PCED1B: variants seen among roughly 807,000 people sequenced by gnomAD.
The protein encoded by PCED1B is PC-esterase domain containing 1B, also known as PC-esterase domain-containing protein 1B.
For synonymous variants in PCED1B, 251 were observed against 246.1 expected (o/e 1.02, Z -0.19); for missense variants, 573 against 573.9 (o/e 1.00, Z 0.02).
intron 3 of PCED1B, among the ~76,000 whole-genome samples, chr12:47,225,251 G>A (rs1343010150): frequency 1.3e-5 from 2 of 152,048 alleles, no homozygotes; most frequent in African/African-American, 4.8e-5. Context: ...TTTTTCTATT[G>A]CATTATTTAC....
intron 1 of PCED1B, among the ~76,000 whole-genome samples, chr12:47,086,642 C>A (rs1288075838): frequency 6.6e-6 from 1 of 152,162 alleles, no homozygotes; most frequent in Non-Finnish European, 1.5e-5. Context: ...CAAAACTATG[C>A]ATCTAGAATT....
In PCED1B at chr12:47,201,006, T is replaced by C. The variant is rs548073227; in HGVS notation, c.-525-15216T>C. 3.3e-5 allele frequency among the ~76,000 whole-genome samples: 5 copies of C among 152,272 alleles called. No individual in the cohort carries two copies. In the East Asian group the frequency reaches 9.7e-4, roughly 29 times the overall value. On this transcript the variant is annotated intron_variant, in intron 2 of 3. Coordinates refer to ENST00000546455, the MANE Select transcript of PCED1B (RefSeq NM_138371.3). The stretch of plus-strand genomic sequence containing the variant: ...TTGATACTGTTGTACCTGAGTGAGT[T>C]AGAGAAAACGCCACACTTTGAGACG...
intron 1 of PCED1B, among the ~76,000 whole-genome samples, chr12:47,091,853 A>G (rs1938279785): frequency 6.6e-6 from 1 of 152,090 alleles, no homozygotes; most frequent in Admixed American, 6.6e-5. Flanking sequence ...GCCACCATAT[A>G]TGTGCAGGTC....
At chr12:47,154,532 G>A (rs917527999) in intron 2 of PCED1B, among the ~76,000 whole-genome samples, 9 of 151,872 alleles carry the variant, frequency 5.9e-5, no homozygotes, top group African/African-American at 1.2e-4. Flanking sequence ...CCTAATTTTC[G>A]CCAATGACAT....
chr12:47,169,335 T>C (rs148383196), intron 2 of PCED1B, among the ~76,000 whole-genome samples: 71 of 152,300 alleles, frequency 4.7e-4, no homozygotes, highest in African/African-American at 1.7e-3. Context: ...TCCTTCTCTC[T>C]GAGTATCAGG....
intron 2 of PCED1B, among the ~76,000 whole-genome samples, chr12:47,117,305 G>C (rs561077168): frequency 3.2e-4 from 49 of 152,092 alleles, no homozygotes; most frequent in African/African-American, 8.9e-4. Context: ...CCATTAACTC[G>C]TCATTTACAT....
chr12:47,141,898 C>A (rs1940607676), intron 2 of PCED1B, among the ~76,000 whole-genome samples: 1 of 151,506 alleles, frequency 6.6e-6, no homozygotes, highest in African/African-American at 2.4e-5. Context: ...CACCAAAGGA[C>A]CCAGGAGGAG....
chr12:47,176,004 G>A (rs1402322371), intron 2 of PCED1B, among the ~76,000 whole-genome samples: 2 of 151,260 alleles, frequency 1.3e-5, no homozygotes, highest in African/African-American at 4.9e-5. Context: ...GAGATTACAA[G>A]CAGAAGGCAT....
At chr12:47,142,965 T>C (rs1309478149) in intron 2 of PCED1B, among the ~76,000 whole-genome samples, 12 of 152,154 alleles carry the variant, frequency 7.9e-5, no homozygotes, top group Non-Finnish European at 5.9e-5. Context: ...AAATAAAAAC[T>C]GTATGATCAT....
At chr12:47,139,347 G>C (rs1287215851) in intron 2 of PCED1B, among the ~76,000 whole-genome samples, 1 of 152,196 alleles carries the variant, frequency 6.6e-6, no homozygotes, top group Non-Finnish European at 1.5e-5. Flanking sequence ...CAGTTGCAGA[G>C]AGCAAGTGAT....
At chr12:47,203,785 G>A (rs1942837526) in intron 2 of PCED1B, among the ~76,000 whole-genome samples, 1 of 152,134 alleles carries the variant, frequency 6.6e-6, no homozygotes, top group Admixed American at 6.6e-5. Context: ...ATATGCATGT[G>A]TCTTTATAAC....
At chr12:47,097,164 A>C (rs1293928131) in intron 1 of PCED1B, among the ~76,000 whole-genome samples, 3 of 152,330 alleles carry the variant, frequency 2.0e-5, no homozygotes, top group Non-Finnish European at 4.4e-5. Context: ...CAGGACTTGA[A>C]CTGAAGTCTC....
chr12:47,092,630 T>C (rs1284353542), intron 1 of PCED1B, among the ~76,000 whole-genome samples: 3 of 152,052 alleles, frequency 2.0e-5, no homozygotes, highest in Non-Finnish European at 4.4e-5. Flanking sequence ...CATACTACCA[T>C]TGAGAATGAT....
At chr12:47,199,352 A>C (rs879537653) in intron 2 of PCED1B, among the ~76,000 whole-genome samples, 1 of 152,226 alleles carries the variant, frequency 6.6e-6, no homozygotes, top group Non-Finnish European at 1.5e-5. Context: ...CACAATCCAC[A>C]TTCAAATATC....
intron 2 of PCED1B, among the ~76,000 whole-genome samples, chr12:47,163,335 A>G (rs1210873168): frequency 6.6e-6 from 1 of 152,250 alleles, no homozygotes; most frequent in Non-Finnish European, 1.5e-5. Flanking sequence ...TTTTCAACAT[A>G]TAAGATTATA....
At chr12:47,120,466 G>A (rs886954449) in intron 2 of PCED1B, among the ~76,000 whole-genome samples, 1 of 152,126 alleles carries the variant, frequency 6.6e-6, no homozygotes, top group East Asian at 1.9e-4. Flanking sequence ...TTAAGAAAAT[G>A]AGGCATATCT....
chr12:47,174,647 T>C (rs1009030158), intron 2 of PCED1B, among the ~76,000 whole-genome samples: 1 of 152,236 alleles, frequency 6.6e-6, no homozygotes, highest in African/African-American at 2.4e-5. Flanking sequence ...TTCCCATGCC[T>C]AAAATTAATG....
intron 2 of PCED1B, among the ~76,000 whole-genome samples, chr12:47,124,862 G>T (rs1264056810): frequency 6.6e-6 from 1 of 151,866 alleles, no homozygotes; most frequent in African/African-American, 2.4e-5. Context: ...TTAAAAAATT[G>T]AATGGGTTTG....
chr12:47,182,556 A>G (rs1354820437), intron 2 of PCED1B, among the ~76,000 whole-genome samples: 1 of 151,504 alleles, frequency 6.6e-6, no homozygotes, highest in Non-Finnish European at 1.5e-5. Context: ...ACGCCACTGC[A>G]CTCCAACCTG....
Sources: gnomAD v4.1 joint callset for allele counts (sites outside exome capture counted in the v4.1 genomes callset) on GRCh38, gnomAD v4.1.1 for gene constraint, MANE v1.5 for transcripts, NCBI Gene and HGNC (gene_info 2026-07-23, HGNC 2026-07-21) for gene names.